The following FNBP4 variants were observed in gnomAD, a reference collection of about 807,000 sequenced individuals.
The protein encoded by FNBP4 is formin binding protein 4.
In FNBP4, 34 loss-of-function variants were observed where a neutral mutation model predicts 119.3. The ratio of observed to expected loss-of-function variants is 0.28; its 90% CI spans 0.22 to 0.38. The LOEUF is 0.38. Ranked by LOEUF, FNBP4 falls within the 10% of genes least tolerant of loss-of-function variation. The pLI is 1.00. For missense variants in FNBP4, 1,112 were observed against 1,228.9 expected (o/e 0.90, Z 1.42); for synonymous variants, 462 against 430.6 (o/e 1.07, Z -0.90).
Position 47,753,553 on chromosome 11 carries a change from G to A in FNBP4, c.451-451C>T, listed in dbSNP as rs201655759. 4.3e-4 allele frequency among the ~76,000 whole-genome samples: 65 copies of A among 152,170 alleles called. No individual in the cohort carries two copies. The East Asian group carries it at 9.8e-3, about 23-fold the overall frequency. On this transcript the variant is annotated intron_variant, in intron 3 of 16. Transcript: ENST00000263773. ...TTGAATCTGGGAGGCGGGGATTGCA[G>A]TGAGCCGAGATCACGCTACTGCATT...
At chr11:47,748,493 GCCT>G (rs1290748590) in intron 6 of FNBP4, among the ~76,000 whole-genome samples, 3 of 151,772 alleles carry the variant, frequency 2.0e-5, no homozygotes, top group Non-Finnish European at 4.4e-5. Flanking sequence ...TCTTGCCTCT[GCCT>G]CCTGAGTAGC....
Position 47,767,205 on chromosome 11 carries a change from G to A in FNBP4, c.84C>T (p.Gly28=), listed in dbSNP as rs763459845. The part of the protein sequence containing the change: ...SPPGPRGSTP[G]RDPEPEPDTE... ...TGTCGGGTTCCGGCTCCGGGTCCCG[G>A]CCCGGCGTGCTGCCCCGAGGACCCG... Residue 28 remains glycine, a synonymous_variant, in exon 1 of 17, where the codon GGC becomes GGT. Transcript: ENST00000263773. The A allele has an allele frequency of 1.3e-5, 20 of 1,564,530 alleles. No individual in the cohort carries two copies. In the South Asian group the frequency reaches 2.2e-4, roughly 17 times the overall value.
chr11:47,750,876 G>T (rs1309823596), intron 6 of FNBP4, 40 bp downstream of exon 6: 1 of 1,607,818 alleles, frequency 6.2e-7, no homozygotes, highest in Non-Finnish European at 8.5e-7. Flanking sequence ...ACGCTTATTA[G>T]ATCTGAAAAT....
intron 7 of FNBP4, among the ~76,000 whole-genome samples, chr11:47,744,971 G>C (rs757757141): frequency 5.3e-5 from 8 of 152,266 alleles, no homozygotes; most frequent in Middle Eastern, 6.8e-3. Flanking sequence ...CATAAATTGT[G>C]AAGATTTCAT....
At chr11:47,723,768 G>A (rs2135074162) in intron 14 of FNBP4, among the ~76,000 whole-genome samples, 1 of 152,174 alleles carries the variant, frequency 6.6e-6, no homozygotes, top group East Asian at 1.9e-4. Context: ...TTGCCGTGTT[G>A]CCCAGGCTGG....
intron 7 of FNBP4, 65 bp downstream of exon 7, chr11:47,745,991 C>A: frequency 1.5e-6 from 2 of 1,317,782 alleles, no homozygotes; most frequent in Non-Finnish European, 1.0e-6. Context: ...GTAAGTCAAG[C>A]ACAATGATCC....
Position 47,717,384 on chromosome 11 carries a change from A to G in FNBP4, c.*38T>C, listed in dbSNP as rs1157861902. 1 of 1,405,878 alleles carries G rather than the reference A, an allele frequency of 7.1e-7. No homozygotes were observed. 87.1% of individuals were successfully genotyped at this position (1,405,878 alleles called of 1,614,324 possible). A position where few individuals can be genotyped will look rare whatever the true frequency, so the allele number is the denominator to read the frequency against. The stretch of plus-strand genomic sequence containing the variant: ...GTTAAGACTTTGAACTGAACACAAA[A>G]CAAACAATAATACAAAAAAGTTTTA... On this transcript the variant is annotated 3_prime_UTR_variant, in exon 17 of 17. Transcript: ENST00000263773.
chr11:47,766,150 C>T (rs561476872), intron 1 of FNBP4, among the ~76,000 whole-genome samples: 1 of 151,988 alleles, frequency 6.6e-6, no homozygotes, highest in Non-Finnish European at 1.5e-5. Context: ...TCCGTCTCTA[C>T]TGAAAATACA....
At chr11:47,723,901 A>T (rs1029056613) in intron 14 of FNBP4, 127 bp downstream of exon 14, 7 of 841,868 alleles carry the variant, frequency 8.3e-6, no homozygotes, top group Non-Finnish European at 1.2e-5. Flanking sequence ...TTTTTAAGTA[A>T]AATAAATGCA....
intron 14 of FNBP4, 81 bp from the exon 15 acceptor site, chr11:47,723,397 A>G: frequency 2.0e-6 from 3 of 1,509,698 alleles, no homozygotes; most frequent in Non-Finnish European, 2.7e-6. Context: ...AGTGGGGATT[A>G]GATCACATAG....
Position 47,733,968 on chromosome 11 carries a change from A to ATTTAATCTT in FNBP4, c.1686+56_1686+57insAAGATTAAA. On this transcript the variant is annotated intron_variant, in intron 10 of 16. Coordinates refer to ENST00000263773, the MANE Select transcript of FNBP4 (RefSeq NM_015308.5). The stretch of plus-strand genomic sequence containing the variant: ...GCAAGACAGAATCGTTAACACATAC[A>ATTTAATCTT]GCATTTCATTCAAACACTTAACTGT... The ATTTAATCTT allele has an allele frequency of 3.7e-6, 3 of 821,612 alleles. No homozygotes were observed. The East Asian group carries it at 8.0e-5, about 22-fold the overall frequency. 50.9% of individuals were successfully genotyped at this position (821,612 alleles called of 1,614,324 possible).
chr11:47,760,259 A>ATTTTTTTT (rs199885568), intron 2 of FNBP4, among the ~76,000 whole-genome samples: 2 of 127,916 alleles, frequency 1.6e-5, no homozygotes, highest in Non-Finnish European at 3.3e-5. Flanking sequence ...TTGATCAAAC[A>ATTTTTTTT]TTTTTTTTTT....
intron 2 of FNBP4, among the ~76,000 whole-genome samples, chr11:47,763,255 G>A (rs929760631): frequency 2.0e-5 from 3 of 151,960 alleles, no homozygotes; most frequent in Non-Finnish European, 4.4e-5. Context: ...CTTGAAGTCA[G>A]GAGTTCAAGA....
intron 7 of FNBP4, among the ~76,000 whole-genome samples, chr11:47,744,834 G>A (rs976608651): frequency 1.3e-5 from 2 of 151,944 alleles, no homozygotes; most frequent in African/African-American, 4.8e-5. Flanking sequence ...CATTCTTTCT[G>A]GTTTTTTTCT....
At chr11:47,763,103 G>A (rs1460879739) in intron 2 of FNBP4, among the ~76,000 whole-genome samples, 3 of 152,034 alleles carry the variant, frequency 2.0e-5, no homozygotes, top group Non-Finnish European at 2.9e-5. Flanking sequence ...ACTTTGGGAG[G>A]CCAAGGCAGG....
intron 16 of FNBP4, among the ~76,000 whole-genome samples, chr11:47,718,782 A>T (rs2097552208): frequency 6.6e-6 from 1 of 152,172 alleles, no homozygotes; most frequent in Non-Finnish European, 1.5e-5. Flanking sequence ...TATGAAATAA[A>T]AAATTGTACT....
chr11:47,764,045 A>G (rs2097641663), intron 2 of FNBP4, among the ~76,000 whole-genome samples: 1 of 152,214 alleles, frequency 6.6e-6, no homozygotes, highest in South Asian at 2.1e-4. Flanking sequence ...AGATGTTGAC[A>G]TCACGAGAGG....
At position 47,753,241 on chromosome 11, in the gene FNBP4, G is replaced by A. The variant is rs2097607914; in HGVS notation, c.451-139C>T. Reference sequence around the variant, plus strand: ...TACAGTTCCAGCACTTTGGGAGGCTGAGACAGGTGGATCACTTGAGGTCAG... The same window carrying A: ...TACAGTTCCAGCACTTTGGGAGGCTAAGACAGGTGGATCACTTGAGGTCAG... On this transcript the variant is annotated intron_variant, in intron 3 of 16. Coordinates refer to ENST00000263773, the MANE Select transcript of FNBP4 (RefSeq NM_015308.5). 23 of 568,446 alleles carry A rather than the reference G, an allele frequency of 4.0e-5. 1 individual carries two copies. The South Asian group carries it at 6.3e-4, about 16-fold the overall frequency. The allele number at this position is 568,446 out of a possible 1,614,324, so 35.2% of individuals were successfully genotyped here. A position where few individuals can be genotyped will look rare whatever the true frequency, so the allele number is the denominator to read the frequency against.
At chr11:47,767,036 A>T in intron 1 of FNBP4, 33 bp downstream of exon 1, 1 of 1,515,582 alleles carries the variant, frequency 6.6e-7, no homozygotes, top group Non-Finnish European at 8.8e-7. Context: ...GCAAGCCCTG[A>T]GCTCGAGTTC....
Sources: allele counts gnomAD v4.1 joint callset (sites outside exome capture counted in the v4.1 genomes callset), GRCh38; gene constraint gnomAD v4.1.1; transcripts MANE v1.5; gene names NCBI Gene and HGNC (gene_info 2026-07-23, HGNC 2026-07-21).